Variants in ZNF236 observed in about 807,000 individuals in gnomAD.
ZNF236 encodes the protein zinc finger protein 236.
ZNF236 carries 50 observed loss-of-function variants against 191.2 expected under a neutral mutation model. The ratio of observed to expected loss-of-function variants is 0.26; its 90% CI spans 0.21 to 0.33. The LOEUF is 0.33. Among genes scored for constraint, ZNF236 ranks in the 10% least tolerant of loss-of-function variants. The probability of loss-of-function intolerance (pLI) is 1.00; values close to 1 mark genes in which losing one functional copy is unlikely to be tolerated. For synonymous variants in ZNF236, 907 were observed against 928.8 expected, an observed-to-expected ratio of 0.98 and a Z score of 0.43; for missense variants, 1,754 against 2,374.5, an observed-to-expected ratio of 0.74 and a Z score of 5.43.
At chr18:76,877,769 A>G (rs1447131350) in intron 6 of ZNF236, among the ~76,000 whole-genome samples, 1 of 152,220 alleles carries the variant, frequency 6.6e-6, no homozygotes, top group East Asian at 1.9e-4. Context: ...TCACTCTTGA[A>G]TAATTTCTAT....
rs781534922 is a variant in ZNF236 at position 76,927,479 on chromosome 18, T to G, written c.4376T>G (p.Leu1459Arg). Residue 1459 changes from leucine to arginine, a missense_variant, in exon 24 of 31, where the codon CTG becomes CGG. Transcript: ENST00000320610. The surrounding 1 kb of genome is among the most constrained non-coding windows in gnomAD (Gnocchi z 5.4). ...VTSANLTIGP[L>R]SEQDSVLTTN... is the part of the protein sequence containing the mutation. Reference sequence around the variant, plus strand: ...TCTGCGAACCTGACCATAGGCCCGCTGTCTGAGCAGGATTCAGTGCTGACC... The same window carrying G: ...TCTGCGAACCTGACCATAGGCCCGCGGTCTGAGCAGGATTCAGTGCTGACC... The G allele has an allele frequency of 1.2e-6, 2 of 1,614,184 alleles. No individual in the cohort carries two copies. Among genetic ancestry groups the G allele is most frequent in the Non-Finnish European group, 1.7e-6 (2 of 1,180,042 alleles).
intron 25 of ZNF236, among the ~76,000 whole-genome samples, chr18:76,933,453 A>G (rs2122865882): frequency 6.6e-6 from 1 of 151,946 alleles, no homozygotes; most frequent in South Asian, 2.1e-4. Flanking sequence ...TGACGAGCAA[A>G]ACTCCGTCTC....
chr18:76,868,432 G>T (rs1291470469), intron 3 of ZNF236, among the ~76,000 whole-genome samples: 2 of 152,146 alleles, frequency 1.3e-5, no homozygotes, highest in Non-Finnish European at 2.9e-5. Context: ...CTCAAAAATT[G>T]TGTCAATCTC....
At chr18:76,889,913 T>A (rs1977177893) in intron 9 of ZNF236, among the ~76,000 whole-genome samples, 1 of 152,184 alleles carries the variant, frequency 6.6e-6, no homozygotes. Context: ...TAATATAATG[T>A]GATGTTATTT....
chr18:76,890,641 G>C (rs927755123), intron 9 of ZNF236, among the ~76,000 whole-genome samples: 2 of 152,048 alleles, frequency 1.3e-5, no homozygotes, highest in Non-Finnish European at 2.9e-5. Context: ...GTTAGAAAAT[G>C]GTGTCTTATT....
At chr18:76,897,435 TAC>T (rs1568218414) in intron 10 of ZNF236, among the ~76,000 whole-genome samples, 1 of 151,122 alleles carries the variant, frequency 6.6e-6, no homozygotes, top group Non-Finnish European at 1.5e-5. Context: ...AACACAGTAC[TAC>T]ACACAAGTAC....
intron 1 of ZNF236, among the ~76,000 whole-genome samples, chr18:76,839,689 T>C (rs975999971): frequency 3.9e-5 from 6 of 152,152 alleles, no homozygotes; most frequent in Non-Finnish European, 7.3e-5. Flanking sequence ...TATACAGATA[T>C]CCACCTTTCA....
At chr18:76,862,862 C>A (rs1008972556) in intron 3 of ZNF236, among the ~76,000 whole-genome samples, 1 of 152,162 alleles carries the variant, frequency 6.6e-6, no homozygotes, top group African/African-American at 2.4e-5. Flanking sequence ...AGACACGAGC[C>A]AGCACAGTCC....
rs376465415 is a variant in ZNF236 at position 76,945,255 on chromosome 18, T to C, written c.4783-2266T>C. Reference sequence around the variant, plus strand: ...AATTTATTGAGCCAATTGGTTCTTATGTGCATCAGAATTTCTGACCAGCAG... The same window carrying C: ...AATTTATTGAGCCAATTGGTTCTTACGTGCATCAGAATTTCTGACCAGCAG... On this transcript the variant is annotated intron_variant, in intron 26 of 30. Transcript: ENST00000320610. 2.9e-4 allele frequency among the ~76,000 whole-genome samples: 44 copies of C among 152,380 alleles called. 1 individual carries two copies. The highest frequency in any genetic ancestry group is 6.8e-3 in the Middle Eastern group (2 of 294).
intron 26 of ZNF236, among the ~76,000 whole-genome samples, chr18:76,947,005 G>A (rs1379462081): frequency 1.3e-5 from 2 of 152,076 alleles, no homozygotes; most frequent in African/African-American, 4.8e-5. Flanking sequence ...AAAGAAACGT[G>A]GAGCCATGAG....
chr18:76,823,896 T>G (rs1237827306), intron 1 of ZNF236, among the ~76,000 whole-genome samples: 1 of 152,122 alleles, frequency 6.6e-6, no homozygotes, highest in Non-Finnish European at 1.5e-5. Flanking sequence ...AGTCTCCCCC[T>G]GCAGGCCTGG....
In ZNF236 at chr18:76,927,127, C is replaced by G; in HGVS notation, c.4118C>G (p.Pro1373Arg). ...QLQLAANLVG[P>R]NVQISGIDAA... ...CAGTTGGCTGCTAACTTGGTTGGAC[C>G]AAATGTACAGATTTCTGGAATCGAT... is the stretch of plus-strand genomic sequence containing the variant. Residue 1373 changes from proline (P) to arginine (R), a missense_variant, in exon 23 of 31, where the codon CCA (proline) becomes CGA (arginine). By Grantham distance (103) the Pro-to-Arg change is moderately radical. Around this residue, in one of 5 missense-constraint regions of ZNF236, gnomAD observed 606 missense variants for 761.5 expected, o/e 0.80. Transcript: ENST00000320610. This position sits in a 1 kb window ranked among gnomAD's most constrained non-coding sequence, Gnocchi z 5.4. 1 of 1,614,032 alleles carries G rather than the reference C, an allele frequency of 6.2e-7. No individual in the cohort carries two copies. The highest frequency in any genetic ancestry group is 1.3e-5 in the African/African-American group (1 of 74,996).
At chr18:76,829,232 T>G (rs1288340892) in intron 1 of ZNF236, among the ~76,000 whole-genome samples, 1 of 152,196 alleles carries the variant, frequency 6.6e-6, no homozygotes, top group Non-Finnish European at 1.5e-5. Context: ...CAAGCTATGT[T>G]TTGTCATAGA....
intron 1 of ZNF236, among the ~76,000 whole-genome samples, chr18:76,842,892 G>A (rs1007255598): frequency 6.6e-6 from 1 of 152,150 alleles, no homozygotes; most frequent in African/African-American, 2.4e-5. Context: ...ATAGATAATT[G>A]GTAAAATTCA....
chr18:76,849,345 TC>T, intron 1 of ZNF236, 180 bp from the exon 2 acceptor site: 1 of 510,184 alleles, frequency 2.0e-6, no homozygotes, highest in East Asian at 3.4e-5. Flanking sequence ...TCTCAATGTT[TC>T]TCATTTCTAA....
Position 76,969,031 on chromosome 18 carries a change from C to A in ZNF236, c.*692C>A. ...ACCAATAAGGATTCAGCTGTCCACA[C>A]GGGCTGGCGACACACTTACCGCATC... On this transcript the variant is annotated 3_prime_UTR_variant, in exon 31 of 31. Transcript: ENST00000320610. The A allele has an allele frequency of 1.0e-5, 10 of 956,542 alleles. No homozygotes were observed. Among genetic ancestry groups the A allele is most frequent in the Non-Finnish European group, 1.2e-5 (10 of 803,254 alleles). 59.3% of individuals were successfully genotyped at this position (956,542 alleles called of 1,614,324 possible). A position where few individuals can be genotyped will look rare whatever the true frequency, so the allele number is the denominator to read the frequency against.
chr18:76,835,865 T>C (rs1422781966), intron 1 of ZNF236, among the ~76,000 whole-genome samples: 1 of 152,208 alleles, frequency 6.6e-6, no homozygotes, highest in African/African-American at 2.4e-5. Flanking sequence ...ATAAAGCATT[T>C]TTAAATGTCA....
intron 19 of ZNF236, among the ~76,000 whole-genome samples, chr18:76,918,257 A>G (rs1239782672): frequency 3.3e-5 from 5 of 152,114 alleles, no homozygotes; most frequent in Non-Finnish European, 7.3e-5. Flanking sequence ...CTCTCTCAGT[A>G]TCAGCTGAGG....
At chr18:76,899,589 G>T (rs1357904811) in intron 11 of ZNF236, among the ~76,000 whole-genome samples, 1 of 152,060 alleles carries the variant, frequency 6.6e-6, no homozygotes, top group Non-Finnish European at 1.5e-5. Context: ...TCATCTTTAG[G>T]TTCTTTGTAC....
Sources: gnomAD v4.1 joint callset for allele counts (sites outside exome capture counted in the v4.1 genomes callset) on GRCh38, gnomAD v4.1.1 for gene constraint, gnomAD v4.1.1 regional missense constraint, Gnocchi (gnomAD v3.1) non-coding constraint, MANE v1.5 for transcripts, NCBI Gene and HGNC (gene_info 2026-07-23, HGNC 2026-07-21) for gene names.